ANKS1B: variants seen among roughly 807,000 people sequenced by gnomAD.
The protein encoded by ANKS1B is ankyrin repeat and sterile alpha motif domain containing 1B, also known as ankyrin repeat and sterile alpha motif domain-containing protein 1B.
ANKS1B carries 36 observed loss-of-function variants against 148.3 expected under a neutral mutation model. The ratio of observed to expected loss-of-function variants is 0.24; its 90% CI spans 0.19 to 0.32. The LOEUF (loss-of-function observed/expected upper bound fraction) is 0.32. Ranked by LOEUF, ANKS1B falls within the 10% of genes least tolerant of loss-of-function variation. ANKS1B has a pLI of 1.00. For synonymous variants in ANKS1B, 542 were observed against 560.8 expected (o/e 0.97, Z 0.47); for missense variants, 1,157 against 1,542.6 (o/e 0.75, Z 4.19).
chr12:99,241,951 G>A (rs2089421530), intron 14 of ANKS1B, among the ~76,000 whole-genome samples: 3 of 152,104 alleles, frequency 2.0e-5, no homozygotes, highest in South Asian at 2.1e-4. Flanking sequence ...CATACTGAAC[G>A]GGCAAAAACT....
chr12:98,848,743 G>GGTTTTTTTTTTTTTTT (rs2099500216), intron 17 of ANKS1B, among the ~76,000 whole-genome samples: 1 of 48,090 alleles, frequency 2.1e-5, no homozygotes, highest in Non-Finnish European at 3.5e-5. Flanking sequence ...TGTATGTGTG[G>GGTTTTTTTTTTTTTTT]TTTTTTTTTT....
At chr12:99,610,778 T>C (rs1471938931) in intron 9 of ANKS1B, among the ~76,000 whole-genome samples, 1 of 152,118 alleles carries the variant, frequency 6.6e-6, no homozygotes, top group Non-Finnish European at 1.5e-5. Flanking sequence ...AGATGCTAGC[T>C]GGGTAGAGGT....
chr12:99,100,264 T>C (rs1347601353), intron 15 of ANKS1B, among the ~76,000 whole-genome samples: 2 of 152,218 alleles, frequency 1.3e-5, no homozygotes, highest in African/African-American at 4.8e-5. Context: ...GAGGTTGCCT[T>C]AAAAATTATG....
intron 9 of ANKS1B, among the ~76,000 whole-genome samples, chr12:99,531,360 C>T (rs1176001740): frequency 6.6e-6 from 1 of 152,050 alleles, no homozygotes; most frequent in Non-Finnish European, 1.5e-5. Context: ...TAGGAACCTC[C>T]CAACTCTCCC....
At chr12:99,437,100 A>C (rs2152770421) in intron 11 of ANKS1B, among the ~76,000 whole-genome samples, 1 of 152,136 alleles carries the variant, frequency 6.6e-6, no homozygotes, top group South Asian at 2.1e-4. Flanking sequence ...GGTCTCTCCC[A>C]GTTCTGGAGG....
chr12:99,615,283 T>C (rs566692451), intron 9 of ANKS1B, among the ~76,000 whole-genome samples: 112 of 150,582 alleles, frequency 7.4e-4, no homozygotes, highest in African/African-American at 2.7e-3. Flanking sequence ...ATAATATGAC[T>C]TGTTGTCCTT....
intron 15 of ANKS1B, among the ~76,000 whole-genome samples, chr12:99,131,840 T>C (rs1028734487): frequency 6.6e-6 from 1 of 152,138 alleles, no homozygotes; most frequent in Admixed American, 6.5e-5. Flanking sequence ...TCAGCCTCCT[T>C]CTGTTCAGCC....
chr12:99,109,960 T>A (rs964109093), intron 15 of ANKS1B, among the ~76,000 whole-genome samples: 1 of 152,156 alleles, frequency 6.6e-6, no homozygotes, highest in African/African-American at 2.4e-5. Flanking sequence ...AAACTCAACA[T>A]AGGCCCAGAG....
intron 6 of ANKS1B, among the ~76,000 whole-genome samples, chr12:99,778,142 G>C (rs2153629699): frequency 6.6e-6 from 1 of 151,974 alleles, no homozygotes; most frequent in Non-Finnish European, 1.5e-5. Flanking sequence ...AGAGCTTGCA[G>C]TGAGCCCAGA....
At chr12:99,149,242 G>GT (rs2074173710) in intron 15 of ANKS1B, among the ~76,000 whole-genome samples, 1 of 152,126 alleles carries the variant, frequency 6.6e-6, no homozygotes, top group Admixed American at 6.6e-5. Context: ...GAAAAGAGAT[G>GT]TAAGTCCATT....
intron 15 of ANKS1B, among the ~76,000 whole-genome samples, chr12:99,122,988 TAAAA>T (rs139209801): frequency 0.011 from 458 of 42,182 alleles, 13 homozygotes; most frequent in African/African-American, 0.034. Context: ...TCAGTAAAAT[TAAAA>T]AAAAAATATA....
chr12:99,137,274 C>T (rs1182788580), intron 15 of ANKS1B, among the ~76,000 whole-genome samples: 2 of 152,184 alleles, frequency 1.3e-5, no homozygotes, highest in African/African-American at 4.8e-5. Context: ...CCAGAAGTCA[C>T]CACTGATGCC....
At chr12:99,533,536 C>A (rs745399834) in intron 9 of ANKS1B, among the ~76,000 whole-genome samples, 7 of 152,124 alleles carry the variant, frequency 4.6e-5, no homozygotes, top group Non-Finnish European at 5.9e-5. Context: ...CTTTCTCTTG[C>A]CTGATTGCTC....
chr12:99,479,715 G>C (rs1813265055), intron 10 of ANKS1B, among the ~76,000 whole-genome samples: 1 of 151,924 alleles, frequency 6.6e-6, no homozygotes, highest in Non-Finnish European at 1.5e-5. Flanking sequence ...ATGGTTACCA[G>C]ACGTTGGAGA....
Position 99,246,291 on chromosome 12 carries a change from G to A in ANKS1B, c.2330C>T (p.Thr777Ile), listed in dbSNP as rs987779726. 5 of 1,588,948 alleles carry A rather than the reference G, an allele frequency of 3.1e-6. No individual in the cohort carries two copies. The highest frequency in any genetic ancestry group is 4.3e-6 in the Non-Finnish European group (5 of 1,167,248). ...KGNSERTPSF[T>I]SEWEEIDKIM... ...AAAGCTTACTTCTTCCCATTCCGATGTGAAGGATGGTGTTCTTTCAGAATT... is the reference window on the plus strand; with the variant it reads ...AAAGCTTACTTCTTCCCATTCCGATATGAAGGATGGTGTTCTTTCAGAATT... The change falls in exon 13 of 27, where the codon ACA becomes ATA. Residue 777 changes from threonine to isoleucine, a missense_variant. Coordinates refer to ENST00000683438, the MANE Select transcript of ANKS1B (RefSeq NM_001352186.2).
intron 17 of ANKS1B, among the ~76,000 whole-genome samples, chr12:98,860,039 C>T (rs2099590754): frequency 6.6e-6 from 1 of 152,218 alleles, no homozygotes; most frequent in South Asian, 2.1e-4. Context: ...ATGAACAGTT[C>T]TTACCATATG....
chr12:99,611,286 A>G (rs1322941495), intron 9 of ANKS1B, among the ~76,000 whole-genome samples: 2 of 152,150 alleles, frequency 1.3e-5, no homozygotes, highest in Admixed American at 1.3e-4. Flanking sequence ...TACTCTAGAC[A>G]GAGCCAAATG....
intron 14 of ANKS1B, among the ~76,000 whole-genome samples, chr12:99,183,194 C>G (rs2079349156): frequency 6.6e-6 from 1 of 152,250 alleles, no homozygotes; most frequent in East Asian, 1.9e-4. Context: ...GACATGATGA[C>G]CTTCATTCCC....
chr12:99,388,131 T>TA (rs1211769587), intron 12 of ANKS1B, among the ~76,000 whole-genome samples: 2 of 152,034 alleles, frequency 1.3e-5, no homozygotes, highest in East Asian at 3.9e-4. Context: ...ATATCCTTTT[T>TA]AAAAAAATAA....
Sources: gnomAD v4.1 joint callset for allele counts (sites outside exome capture counted in the v4.1 genomes callset) on GRCh38, gnomAD v4.1.1 for gene constraint, MANE v1.5 for transcripts, NCBI Gene and HGNC (gene_info 2026-07-23, HGNC 2026-07-21) for gene names.